The following CDC6 variants were observed in gnomAD, a reference collection of about 807,000 sequenced individuals.
CDC6 encodes cell division cycle 6.
A neutral mutation model predicts 60.2 loss-of-function variants in CDC6; 46 were observed. The ratio of observed to expected loss-of-function variants is 0.76; its 90% CI spans 0.60 to 0.98. CDC6 has a LOEUF of 0.98. Ranked by LOEUF, CDC6 falls within the 50% of genes least tolerant of loss-of-function variation. CDC6 has a pLI of 0.00. For missense variants in CDC6, 596 were observed against 652.9 expected (o/e 0.91, Z 0.95); for synonymous variants, 210 against 233.2 (o/e 0.90, Z 0.90).
chr17:40,289,605 C>G lies in CDC6; in HGVS notation c.178+7C>G, dbSNP rs1434622905. On this transcript the variant is annotated splice_region_variant and intron_variant, in intron 2 of 11. Coordinates refer to ENST00000209728, the MANE Select transcript of CDC6 (RefSeq NM_001254.4). ...AGCCCCAGGAAACGTCTGGGTAAACCATCCATTATATCACTTTTTCACTAG... is the reference window on the plus strand; with the variant it reads ...AGCCCCAGGAAACGTCTGGGTAAACGATCCATTATATCACTTTTTCACTAG... 1 of 1,611,692 alleles carries G rather than the reference C, an allele frequency of 6.2e-7. No homozygotes were observed. Among genetic ancestry groups the G allele is most frequent in the South Asian group, 1.1e-5 (1 of 90,992 alleles).
chr17:40,299,471 G>T (rs2032908007), intron 9 of CDC6, among the ~76,000 whole-genome samples: 1 of 152,042 alleles, frequency 6.6e-6, no homozygotes, highest in Non-Finnish European at 1.5e-5. Flanking sequence ...ATGTGTCTAT[G>T]TGTTCTCATC....
rs746394931 is a variant in CDC6 at position 40,291,714 on chromosome 17, T to A, written c.660+46T>A. 7.8e-6 allele frequency: 12 copies of A among 1,536,154 alleles called. No individual in the cohort carries two copies. In the East Asian group the frequency reaches 2.7e-4, roughly 34 times the overall value. ...ATGATACTCTTGGTAAAATGATACT[T>A]GGGTGTTTTTGTTTGTTTGTTTGTT... On this transcript the variant is annotated intron_variant, in intron 4 of 11. Coordinates refer to ENST00000209728, the MANE Select transcript of CDC6 (RefSeq NM_001254.4).
At chr17:40,301,756 A>G in intron 11 of CDC6, 148 bp downstream of exon 11, 1 of 920,756 alleles carries the variant, frequency 1.1e-6, no homozygotes, top group Non-Finnish European at 1.8e-6. Flanking sequence ...TAAAGATGGG[A>G]GTGTGATATG....
chr17:40,299,301 C>T (rs1417636231), intron 9 of CDC6, among the ~76,000 whole-genome samples: 1 of 151,736 alleles, frequency 6.6e-6, no homozygotes, highest in African/African-American at 2.4e-5. Context: ...GCACACACCA[C>T]CACACCCGGC....
intron 9 of CDC6, among the ~76,000 whole-genome samples, chr17:40,299,890 A>G (rs911460926): frequency 1.1e-4 from 17 of 152,190 alleles, no homozygotes; most frequent in Admixed American, 6.5e-5. Flanking sequence ...AAGGGCTGAC[A>G]TGGCAGCGAC....
rs545089264 is a variant in CDC6 at position 40,300,262 on chromosome 17, C to T, written c.1250-566C>T. Reference sequence around the variant, plus strand: ...TACAGGCGTGAGCCACTGCACCTGGCCTTTTTTTTCCTTTCTTAATTACCA... The same window carrying T: ...TACAGGCGTGAGCCACTGCACCTGGTCTTTTTTTTCCTTTCTTAATTACCA... On this transcript the variant is annotated intron_variant, in intron 9 of 11. Transcript: ENST00000209728. 3.9e-5 allele frequency among the ~76,000 whole-genome samples: 6 copies of T among 152,330 alleles called. No homozygotes were observed. The South Asian group carries it at 1.2e-3, about 32-fold the overall frequency.
chr17:40,294,161 G>T (rs749457638), intron 6 of CDC6, 105 bp downstream of exon 6: 1 of 1,047,326 alleles, frequency 9.5e-7, no homozygotes, highest in Non-Finnish European at 1.5e-6. Flanking sequence ...GCTTTCTGCC[G>T]TGTCAAAATA....
chr17:40,292,886 C>T (rs1329187331), intron 4 of CDC6, among the ~76,000 whole-genome samples: 5 of 151,016 alleles, frequency 3.3e-5, no homozygotes, highest in Non-Finnish European at 5.9e-5. Context: ...GCCGAGATCG[C>T]GCCACTGCAC....
intron 7 of CDC6, 36 bp from the exon 8 acceptor site, chr17:40,295,320 T>C (rs754823133): frequency 7.5e-7 from 1 of 1,325,480 alleles, no homozygotes; most frequent in Admixed American, 1.7e-5. Context: ...GAGAATCTTA[T>C]GGTTCAAACT....
intron 4 of CDC6, among the ~76,000 whole-genome samples, chr17:40,292,718 A>G (rs1459050171): frequency 2.0e-5 from 3 of 151,542 alleles, no homozygotes; most frequent in African/African-American, 7.3e-5. Flanking sequence ...TCATGAGGTT[A>G]GGAGATTGAG....
rs1189373384 is a variant in CDC6 at position 40,301,997 on chromosome 17, C to T, written c.1679C>T (p.Pro560Leu). The T allele has an allele frequency of 1.3e-6, 2 of 1,555,770 alleles. No homozygotes were observed. Among genetic ancestry groups the T allele is most frequent in the South Asian group, 1.1e-5 (1 of 89,906 alleles). The change falls in exon 12 of 12, where the codon CCT becomes CTT. Residue 560 changes from proline (P) to leucine (L), a missense_variant. Pro to Leu is a moderately conservative substitution (Grantham distance 98). Transcript: ENST00000209728. The stretch of plus-strand genomic sequence containing the variant: ...GGAAATATCTTAGCTACTGGATTGC[C>T]TTAAATTCTTCTCTTACACCCCACC... ...LIGNILATGL[P>L]
intron 10 of CDC6, among the ~76,000 whole-genome samples, 163 bp from the exon 11 acceptor site, chr17:40,301,305 C>T (rs1011718846): frequency 1.3e-5 from 2 of 152,068 alleles, no homozygotes; most frequent in African/African-American, 2.4e-5. Context: ...TATAGGTTTT[C>T]GGGAATATCT....
In CDC6 at chr17:40,291,496, TC is replaced by T; in HGVS notation, c.490del (p.Leu164Ter). Reference sequence around the variant, plus strand: ...ACTTGCTACCAGCAAGCAAAGCTGGTCCTGAACACAGCTGTCCCAGATCGGC... The same window carrying T: ...ACTTGCTACCAGCAAGCAAAGCTGGTCTGAACACAGCTGTCCCAGATCGGC... ...EGTCYQQAKL[V>X]LNTAVPDRLP... On this transcript the variant is annotated frameshift_variant, in exon 4 of 12. Coordinates refer to ENST00000209728, the MANE Select transcript of CDC6 (RefSeq NM_001254.4). LOFTEE classifies it high-confidence loss of function. 6.2e-7 allele frequency: 1 copy of T among 1,614,186 alleles called. No individual in the cohort carries two copies. The highest frequency in any genetic ancestry group is 8.5e-7 in the Non-Finnish European group (1 of 1,180,034).
At chr17:40,296,541 T>TA (rs1170840033) in intron 8 of CDC6, among the ~76,000 whole-genome samples, 162 bp from the exon 9 acceptor site, 1 of 152,218 alleles carries the variant, frequency 6.6e-6, no homozygotes, top group Non-Finnish European at 1.5e-5. Context: ...ATTTTAAAGT[T>TA]ACACGTAGGA....
At position 40,304,610 on chromosome 17, in the gene CDC6, T is replaced by C. The variant is rs1324785329; in HGVS notation, c.*2609T>C. On this transcript the variant is annotated 3_prime_UTR_variant, in exon 12 of 12. Transcript: ENST00000209728. ...TTAAGCTTCCATAGAGTGTTGGGTG[T>C]TGCCATGGAAAGAGCATAGACAAAA... is the stretch of plus-strand genomic sequence containing the variant. The C allele has an allele frequency of 6.6e-6, 1 of 152,248 alleles. No homozygotes were observed. The highest frequency in any genetic ancestry group is 2.4e-5 in the African/African-American group (1 of 41,450). The allele number at this position is 152,248 out of a possible 1,614,324, so 9.4% of individuals were successfully genotyped here. A position where few individuals can be genotyped will look rare whatever the true frequency, so the allele number is the denominator to read the frequency against.
rs2032801676 is a variant in CDC6 at position 40,293,479 on chromosome 17, T to C, written c.684T>C (p.Thr228=). The C allele has an allele frequency of 1.2e-6, 2 of 1,613,930 alleles. No individual in the cohort carries two copies. Among genetic ancestry groups the C allele is most frequent in the Middle Eastern group, 1.6e-4 (1 of 6,084 alleles). ...DLKKELKGFK[T]IMLNCMSLRT... ...AGAAGGAACTGAAAGGCTTTAAAAC[T>C]ATCATGCTGAATTGCATGTCCTTGA... The change falls in exon 5 of 12, where the codon ACT becomes ACC. Residue 228 remains threonine (T), a synonymous_variant. Transcript: ENST00000209728.
intron 11 of CDC6, 62 bp from the exon 12 acceptor site, chr17:40,301,850 A>G: frequency 8.9e-7 from 1 of 1,127,174 alleles, no homozygotes; most frequent in Non-Finnish European, 1.4e-6. Flanking sequence ...AGAAGTTTGT[A>G]TACTGACAAC....
rs2032966372 is a variant in CDC6 at position 40,303,610 on chromosome 17, C to G, written c.*1609C>G. ...CACATGATAGTCTGTAGGCATGAGT[C>G]TGAATGTTGTTCTCACACTCCTTTA... On this transcript the variant is annotated 3_prime_UTR_variant, in exon 12 of 12. Coordinates refer to ENST00000209728, the MANE Select transcript of CDC6 (RefSeq NM_001254.4). 6.6e-6 allele frequency: 1 copy of G among 152,218 alleles called. No individual in the cohort carries two copies. Among genetic ancestry groups the G allele is most frequent in the Admixed American group, 6.5e-5 (1 of 15,284 alleles). 9.4% of individuals were successfully genotyped at this position (152,218 alleles called of 1,614,324 possible). A position where few individuals can be genotyped will look rare whatever the true frequency, so the allele number is the denominator to read the frequency against.
chr17:40,293,606 A>T lies in CDC6; in HGVS notation c.811A>T (p.Met271Leu). Residue 271 changes from methionine to leucine, a missense_variant, in exon 5 of 12, where the codon ATG (methionine) becomes TTG (leucine). Coordinates refer to ENST00000209728, the MANE Select transcript of CDC6 (RefSeq NM_001254.4). ...CATGATGAGGAAATTGGAAAAACAT[A>T]TGACTGCAGAGAAGGGCCCCATGAT... is the stretch of plus-strand genomic sequence containing the variant. ...KDMMRKLEKH[M>L]TAEKGPMIVL... is the part of the protein sequence containing the mutation. 1 of 1,613,640 alleles carries T rather than the reference A, an allele frequency of 6.2e-7. No individual in the cohort carries two copies. Among genetic ancestry groups the T allele is most frequent in the Non-Finnish European group, 8.5e-7 (1 of 1,179,512 alleles).
Sources: gnomAD v4.1 joint callset for allele counts (sites outside exome capture counted in the v4.1 genomes callset) on GRCh38, gnomAD v4.1.1 for gene constraint, MANE v1.5 for transcripts, NCBI Gene and HGNC (gene_info 2026-07-23, HGNC 2026-07-21) for gene names.